MYO5B: variants seen among roughly 807,000 people sequenced by gnomAD.
The protein encoded by MYO5B is myosin VB.
Under a neutral mutation model 229.3 loss-of-function variants are expected in MYO5B, and 143 were observed. That is an observed-to-expected ratio of 0.62 (90% CI 0.54 to 0.72). The LOEUF is 0.72. Among genes scored for constraint, MYO5B ranks in the 30% least tolerant of loss-of-function variants. The pLI is 0.00. For missense variants in MYO5B, 2,321 were observed against 2,331.0 expected (o/e 1.00, Z 0.09); for synonymous variants, 918 against 885.2 (o/e 1.04, Z -0.66).
Position 49,927,355 on chromosome 18 carries a change from G to T in MYO5B, c.2090+2157C>A, listed in dbSNP as rs550745663. Among the ~76,000 whole-genome samples the T allele has an allele frequency of 1.2e-4, 10 of 83,664 alleles. No homozygotes were observed. The East Asian group carries it at 3.1e-3, about 26-fold the overall frequency. 54.9% of individuals were successfully genotyped at this position (83,664 alleles called of 152,430 possible). Reference sequence around the variant, plus strand: ...CAAAATACTACCATATTTCTTCACAGAACTAAAAAAAAAAAAATCCTAAAA... The same window carrying T: ...CAAAATACTACCATATTTCTTCACATAACTAAAAAAAAAAAAATCCTAAAA... On this transcript the variant is annotated intron_variant, in intron 17 of 39. Transcript: ENST00000285039.
At chr18:49,995,736 G>T (rs979962535) in intron 5 of MYO5B, among the ~76,000 whole-genome samples, 5 of 152,170 alleles carry the variant, frequency 3.3e-5, no homozygotes, top group African/African-American at 9.7e-5. Flanking sequence ...TGCAGGAGGT[G>T]TAACAGAATG....
At chr18:50,157,684 T>C (rs987211496) in intron 1 of MYO5B, among the ~76,000 whole-genome samples, 1 of 152,156 alleles carries the variant, frequency 6.6e-6, no homozygotes, top group Non-Finnish European at 1.5e-5. Flanking sequence ...AAATACAAAA[T>C]GTGGCCCCGT....
At chr18:49,940,544 G>A (rs1386991649) in intron 14 of MYO5B, among the ~76,000 whole-genome samples, 1 of 152,154 alleles carries the variant, frequency 6.6e-6, no homozygotes, top group African/African-American at 2.4e-5. Context: ...CTCACTTAAG[G>A]CAGGCATAAG....
intron 1 of MYO5B, among the ~76,000 whole-genome samples, chr18:50,138,246 T>C (rs1239937329): frequency 6.6e-6 from 1 of 152,226 alleles, no homozygotes; most frequent in Non-Finnish European, 1.5e-5. Context: ...TAGTTAGAAG[T>C]GTGCTTGAAA....
At chr18:49,948,171 C>T (rs1182647675) in intron 14 of MYO5B, among the ~76,000 whole-genome samples, 1 of 152,204 alleles carries the variant, frequency 6.6e-6, no homozygotes, top group Admixed American at 6.5e-5. Flanking sequence ...CTGAAACAGA[C>T]ACATAAAGTT....
intron 4 of MYO5B, among the ~76,000 whole-genome samples, chr18:50,026,499 A>C (rs2026332999): frequency 6.6e-6 from 1 of 152,228 alleles, no homozygotes; most frequent in Non-Finnish European, 1.5e-5. Context: ...TAGAAGTTAT[A>C]ATTGGTTGCC....
chr18:50,144,233 A>G (rs892111977), intron 1 of MYO5B, among the ~76,000 whole-genome samples: 5 of 152,200 alleles, frequency 3.3e-5, no homozygotes, highest in Admixed American at 6.5e-5. Context: ...ACACAGCATC[A>G]GTAACTTTTT....
chr18:49,831,607 C>T (rs72642496), intron 39 of MYO5B, among the ~76,000 whole-genome samples: 19,171 of 152,156 alleles, frequency 0.13, 1,470 homozygotes, highest in East Asian at 0.27. Flanking sequence ...GCTGGAAAAT[C>T]ACAAGTGTTG....
At chr18:49,964,705 G>A (rs117913904) in intron 10 of MYO5B, among the ~76,000 whole-genome samples, 28 of 152,252 alleles carry the variant, frequency 1.8e-4, no homozygotes, top group Middle Eastern at 3.4e-3. Flanking sequence ...ATTGTACTTC[G>A]TGAATTGTCT....
At position 49,904,738 on chromosome 18, in the gene MYO5B, G is replaced by T; in HGVS notation, c.2505C>A (p.Val835=). 6.2e-7 allele frequency: 1 copy of T among 1,614,068 alleles called. No homozygotes were observed. The highest frequency in any genetic ancestry group is 2.2e-5 in the East Asian group (1 of 44,868). The stretch of plus-strand genomic sequence containing the variant: ...CCTGGATAACAACGGCAGCTCTGCG[G>T]ACCCTCTGGTAGGCCTGGCGGGCCC... ...MQRARQAYQR[V]RRAAVVIQAF... is the part of the protein sequence containing the mutation. Residue 835 remains valine (V), a synonymous_variant, in exon 20 of 40, where the codon GTC becomes GTA. Coordinates refer to ENST00000285039, the MANE Select transcript of MYO5B (RefSeq NM_001080467.3).
At position 49,839,131 on chromosome 18, in the gene MYO5B, G is replaced by T; in HGVS notation, c.4852+13C>A. 6.2e-7 allele frequency: 1 copy of T among 1,612,572 alleles called. No individual in the cohort carries two copies. The highest frequency in any genetic ancestry group is 8.5e-7 in the Non-Finnish European group (1 of 1,179,912). ...CCATGATGAGTGATGTAGCTCTCCTGCTGCCAGCTTACCTATCATCGGCTG... is the reference window on the plus strand; with the variant it reads ...CCATGATGAGTGATGTAGCTCTCCTTCTGCCAGCTTACCTATCATCGGCTG... On this transcript the variant is annotated intron_variant, in intron 36 of 39. Transcript: ENST00000285039.
intron 1 of MYO5B, among the ~76,000 whole-genome samples, chr18:50,115,953 T>C (rs951173090): frequency 1.3e-5 from 2 of 152,180 alleles, no homozygotes; most frequent in African/African-American, 4.8e-5. Context: ...TAATCATAGA[T>C]GCATGAGGAA....
At chr18:50,013,843 C>T (rs1474957798) in intron 4 of MYO5B, among the ~76,000 whole-genome samples, 1 of 152,182 alleles carries the variant, frequency 6.6e-6, no homozygotes, top group Non-Finnish European at 1.5e-5. Context: ...GAGATTTATC[C>T]AAAGCTTGGG....
intron 18 of MYO5B, 42 bp from the exon 19 acceptor site, chr18:49,906,672 C>G (rs764602971): frequency 6.5e-7 from 1 of 1,549,202 alleles, no homozygotes; most frequent in South Asian, 1.1e-5. Context: ...CACCAGTGAG[C>G]AGAGAAATAA....
chr18:49,993,896 T>C (rs910847713), intron 5 of MYO5B, among the ~76,000 whole-genome samples: 2 of 152,176 alleles, frequency 1.3e-5, no homozygotes, highest in African/African-American at 4.8e-5. Flanking sequence ...TTCAAATCCT[T>C]AGCATGGCTT....
intron 1 of MYO5B, among the ~76,000 whole-genome samples, chr18:50,188,139 A>C (rs1473448262): frequency 1.3e-5 from 2 of 152,216 alleles, no homozygotes; most frequent in Non-Finnish European, 2.9e-5. Context: ...CAAAATAGTT[A>C]AAAATAGTGC....
intron 22 of MYO5B, among the ~76,000 whole-genome samples, chr18:49,882,039 TGTC>T (rs2024592192): frequency 6.6e-6 from 1 of 152,166 alleles, no homozygotes; most frequent in African/African-American, 2.4e-5. Context: ...TGCAGGAGGC[TGTC>T]AAGTAATTTT....
In MYO5B at chr18:50,021,431, C is replaced by T. The variant is rs866730892; in HGVS notation, c.455+15419G>A. The stretch of plus-strand genomic sequence containing the variant: ...GGTGCCTTTGGCCATCACTCTACCT[C>T]TCAGGGCCTCAGCTCTCAAGAGGGG... On this transcript the variant is annotated intron_variant, in intron 4 of 39. Coordinates refer to ENST00000285039, the MANE Select transcript of MYO5B (RefSeq NM_001080467.3). 2.2e-4 allele frequency among the ~76,000 whole-genome samples: 33 copies of T among 152,330 alleles called. No individual in the cohort carries two copies. The Middle Eastern group carries it at 0.01, about 47-fold the overall frequency.
chr18:49,972,110 G>A (rs114579760), intron 10 of MYO5B, among the ~76,000 whole-genome samples: 1,650 of 152,248 alleles, frequency 0.011, 31 homozygotes, highest in African/African-American at 0.038. Context: ...ACACAGGTGA[G>A]GAGCTGGCAC....
Sources: allele counts gnomAD v4.1 joint callset (sites outside exome capture counted in the v4.1 genomes callset), GRCh38; gene constraint gnomAD v4.1.1; transcripts MANE v1.5; gene names NCBI Gene and HGNC (gene_info 2026-07-23, HGNC 2026-07-21).